The following MPPE1 variants were observed in gnomAD, a reference collection of about 807,000 sequenced individuals.
MPPE1 encodes the protein metallophosphoesterase 1.
Under a neutral mutation model 43.8 loss-of-function variants are expected in MPPE1, and 28 were observed. That is an observed-to-expected ratio of 0.64 (90% CI 0.47 to 0.88). The LOEUF is 0.88. MPPE1 is among the 40% of genes least tolerant of loss of function. The pLI is 0.00. For synonymous variants in MPPE1, 159 were observed against 188.5 expected (o/e 0.84, Z 1.28); for missense variants, 428 against 492.2 (o/e 0.87, Z 1.23).
chr18:11,892,464 G>A (rs2586213), intron 4 of MPPE1, among the ~76,000 whole-genome samples: 2 of 152,032 alleles, frequency 1.3e-5, no homozygotes, highest in Non-Finnish European at 2.9e-5. Flanking sequence ...GAGGTCAGGA[G>A]TTTGAGACCA....
At chr18:11,887,616 G>A (rs1439129183) in intron 6 of MPPE1, among the ~76,000 whole-genome samples, 3 of 152,180 alleles carry the variant, frequency 2.0e-5, no homozygotes, top group Non-Finnish European at 2.9e-5. Flanking sequence ...ATTGTGGTTA[G>A]ACTCAGCAGC....
In MPPE1 at chr18:11,894,927, G is replaced by C. The variant is rs1245512614; in HGVS notation, c.282-1351C>G. On this transcript the variant is annotated intron_variant, in intron 3 of 10. Transcript: ENST00000588072. ...GGGGATTTTAAACCCTACTTGCACA[G>C]GATAGTTACAGGGTTAAATAAGACA... Among the ~76,000 whole-genome samples the C allele has an allele frequency of 2.0e-5, 3 of 152,186 alleles. No individual in the cohort carries two copies. In the East Asian group the frequency reaches 5.8e-4, roughly 29 times the overall value.
chr18:11,904,967 T>C (rs1010124015), intron 2 of MPPE1, among the ~76,000 whole-genome samples: 1 of 150,104 alleles, frequency 6.7e-6, no homozygotes, highest in Admixed American at 6.6e-5. Flanking sequence ...AAAAAAAAGA[T>C]AACAGAACAA....
chr18:11,902,056 C>G (rs570055403), intron 2 of MPPE1, among the ~76,000 whole-genome samples: 2 of 152,344 alleles, frequency 1.3e-5, no homozygotes, highest in East Asian at 1.9e-4. Context: ...CTAAGGCAAA[C>G]CACACATGCC....
chr18:11,905,658 T>A (rs1262056038), intron 2 of MPPE1: 2 of 152,242 alleles, frequency 1.3e-5, no homozygotes, highest in African/African-American at 4.8e-5. Context: ...GCCTCCCCAT[T>A]TTCTGACTCA....
rs1362520671 is a variant in MPPE1, at chr18:11,886,622, C to T, written c.745-1G>A. ...CACTTCTCCGATACAGAGGATAATG[C>T]TGTCCGGGGTGGAGAGAGGAGTTCA... On this transcript the variant is annotated splice_acceptor_variant, in intron 8 of 10. Coordinates refer to ENST00000588072, the MANE Select transcript of MPPE1 (RefSeq NM_023075.6). LOFTEE classifies it high-confidence loss of function. The surrounding 1 kb of genome is among the most constrained non-coding windows in gnomAD (Gnocchi z 4.1). 5.0e-6 allele frequency: 8 copies of T among 1,614,050 alleles called. No homozygotes were observed. Among genetic ancestry groups the T allele is most frequent in the Non-Finnish European group, 6.8e-6 (8 of 1,180,048 alleles).
At chr18:11,891,280 C>G (rs2037969381) in intron 4 of MPPE1, 1 of 152,164 alleles carries the variant, frequency 6.6e-6, no homozygotes, top group Admixed American at 6.5e-5. Flanking sequence ...TTGAGACCAG[C>G]CTGGCCAACA....
At chr18:11,885,499 G>T in intron 10 of MPPE1, 177 bp downstream of exon 10, 2 of 707,650 alleles carry the variant, frequency 2.8e-6, no homozygotes, top group South Asian at 2.0e-5. Context: ...ATGTCATGCT[G>T]ATTGGTTCCC....
At chr18:11,904,152 AAGG>A (rs1341358875) in intron 2 of MPPE1, among the ~76,000 whole-genome samples, 1 of 150,762 alleles carries the variant, frequency 6.6e-6, no homozygotes, top group African/African-American at 2.5e-5. Flanking sequence ...GGAAAGAAGG[AAGG>A]AGGACAGTAG....
chr18:11,888,397 AAGAC>A lies in MPPE1; in HGVS notation c.569+268_569+271del, dbSNP rs543520927. On this transcript the variant is annotated intron_variant, in intron 6 of 10. Coordinates refer to ENST00000588072, the MANE Select transcript of MPPE1 (RefSeq NM_023075.6). ...GCTACCCAGAGACAGTGCAGACAGAAAGACTATCATTCCCACAGTGGCTGGGCAG... is the reference window on the plus strand; with the variant it reads ...GCTACCCAGAGACAGTGCAGACAGAATATCATTCCCACAGTGGCTGGGCAG... Among the ~76,000 whole-genome samples the A allele has an allele frequency of 3.1e-3, 471 of 152,330 alleles. 1 individual carries two copies. The highest frequency in any genetic ancestry group is 0.011 in the African/African-American group (441 of 41,578).
At chr18:11,897,623 A>G (rs1220621434) in intron 2 of MPPE1, 1 of 179,156 alleles carries the variant, frequency 5.6e-6, no homozygotes, top group Non-Finnish European at 1.2e-5. Flanking sequence ...TTAATATTCT[A>G]GAAATCATCA....
chr18:11,889,437 A>G lies in MPPE1; in HGVS notation c.444T>C (p.His148=), dbSNP rs536176743. 1 of 1,613,532 alleles carries G rather than the reference A, an allele frequency of 6.2e-7. No homozygotes were observed. Among genetic ancestry groups the G allele is most frequent in the African/African-American group, 1.3e-5 (1 of 74,992 alleles). ...TTCCAGCAACTACCTTCAGCTGTAC[A>G]TGACTTGGGTGTCTGAACATTTTCT... ...RFQKMFRHPS[H]VQLKVVAGNH... The change falls in exon 5 of 11, where the codon CAT becomes CAC. Residue 148 remains histidine, a synonymous_variant. Transcript: ENST00000588072.
intron 2 of MPPE1, 164 bp from the exon 3 acceptor site, chr18:11,897,520 A>G (rs139874304): frequency 1.1e-4 from 46 of 430,054 alleles, no homozygotes; most frequent in African/African-American, 8.0e-4. Flanking sequence ...AAGGAAAACA[A>G]CTGACCTCTC....
intron 3 of MPPE1, among the ~76,000 whole-genome samples, chr18:11,894,772 T>G (rs1598542806): frequency 6.6e-6 from 1 of 152,206 alleles, no homozygotes; most frequent in Middle Eastern, 3.4e-3. Context: ...GTATATTTAG[T>G]AGAGACGGGG....
chr18:11,893,894 C>G (rs2038280989), intron 3 of MPPE1, among the ~76,000 whole-genome samples: 1 of 152,320 alleles, frequency 6.6e-6, no homozygotes. Flanking sequence ...GAGCCTAATG[C>G]AGCTTCCAAA....
Position 11,884,244 on chromosome 18 carries a change from G to GT in MPPE1, c.*200dup. On this transcript the variant is annotated 3_prime_UTR_variant, in exon 11 of 11. Coordinates refer to ENST00000588072, the MANE Select transcript of MPPE1 (RefSeq NM_023075.6). ...ATAAAAATGAGAAAACAGATTTGTT[G>GT]TAGAGTACCTGTCCACTTTTATAGC... 2 of 560,770 alleles carry GT rather than the reference G, an allele frequency of 3.6e-6. No individual in the cohort carries two copies. Among genetic ancestry groups the GT allele is most frequent in the Non-Finnish European group, 6.3e-6 (2 of 315,324 alleles). 34.7% of individuals were successfully genotyped at this position (560,770 alleles called of 1,614,324 possible).
chr18:11,896,959 A>T (rs765707583), intron 3 of MPPE1, 25 bp downstream of exon 3: 1 of 1,597,554 alleles, frequency 6.3e-7, no homozygotes, highest in South Asian at 1.1e-5. Context: ...AGAATTTTAG[A>T]AAGATTCCTG....
intron 6 of MPPE1, 72 bp downstream of exon 6, chr18:11,888,597 A>G (rs890429866): frequency 5.7e-6 from 5 of 884,684 alleles, no homozygotes; most frequent in South Asian, 1.5e-5. Context: ...AGATCCCAGT[A>G]TGGCAGGCAC....
intron 2 of MPPE1, among the ~76,000 whole-genome samples, chr18:11,904,958 A>G (rs186434965): frequency 1.3e-3 from 197 of 152,156 alleles, no homozygotes; most frequent in Non-Finnish European, 2.5e-3. Context: ...AAAAGAAGAA[A>G]AAAAAAGATA....
Sources: allele counts gnomAD v4.1 joint callset (sites outside exome capture counted in the v4.1 genomes callset), GRCh38; gene constraint gnomAD v4.1.1; non-coding constraint Gnocchi (gnomAD v3.1); transcripts MANE v1.5; gene names NCBI Gene and HGNC (gene_info 2026-07-23, HGNC 2026-07-21).